The following EYS variants were observed in gnomAD, a reference collection of about 807,000 sequenced individuals.
EYS encodes protein eyes shut homolog.
EYS carries 250 observed loss-of-function variants against 282.1 expected under a neutral mutation model. The observed-to-expected ratio is 0.89, with a 90% CI of 0.80 to 0.98. The LOEUF (loss-of-function observed/expected upper bound fraction) is 0.98, where lower values mean the gene tolerates loss of function less well. Ranked by LOEUF, EYS falls within the 50% of genes least tolerant of loss-of-function variation. The probability of loss-of-function intolerance (pLI) is 0.00; values close to 1 mark genes in which losing one functional copy is unlikely to be tolerated. For missense variants in EYS, 4,016 were observed against 3,709.0 expected (o/e 1.08, Z -2.15); for synonymous variants, 1,355 against 1,282.9 (o/e 1.06, Z -1.20).
At chr6:63,724,510 CTA>C (rs920034314) in intron 42 of EYS, among the ~76,000 whole-genome samples, 2 of 152,050 alleles carry the variant, frequency 1.3e-5, no homozygotes, top group South Asian at 4.1e-4. Context: ...AGGATTATAA[CTA>C]TATCAGATGA....
In EYS at chr6:65,006,671, C is replaced by T. The variant is rs569432832; in HGVS notation, c.2138-8968G>A. On this transcript the variant is annotated intron_variant, in intron 13 of 42. Transcript: ENST00000503581. ...AAATCTTAATTACCATACAAAGGTCCGACCAGAGCTAGGAGGAACTCCCTT... is the reference window on the plus strand; with the variant it reads ...AAATCTTAATTACCATACAAAGGTCTGACCAGAGCTAGGAGGAACTCCCTT... Among the ~76,000 whole-genome samples, 59 of 152,218 alleles carry T rather than the reference C, an allele frequency of 3.9e-4. No homozygotes were observed. The Middle Eastern group carries it at 0.01, about 26-fold the overall frequency.
intron 1 of EYS, among the ~76,000 whole-genome samples, chr6:65,688,288 A>C (rs981090039): frequency 3.0e-4 from 45 of 152,192 alleles, no homozygotes; most frequent in African/African-American, 1.1e-3. Context: ...GCATATCTAC[A>C]ACCATCTGAT....
rs371472125 is a variant in EYS at position 64,639,658 on chromosome 6, A to C, written c.3444-13413T>G. On this transcript the variant is annotated intron_variant, in intron 22 of 42. Coordinates refer to ENST00000503581, the MANE Select transcript of EYS (RefSeq NM_001142800.2). Reference sequence around the variant, plus strand: ...ACCATTCAGGACATAGGCATGGGCAAGGACTTCATGTCTAAAACACCAAAA... The same window carrying C: ...ACCATTCAGGACATAGGCATGGGCACGGACTTCATGTCTAAAACACCAAAA... Among the ~76,000 whole-genome samples the C allele has an allele frequency of 2.4e-4, 22 of 91,112 alleles. 3 individuals are homozygous for C. The East Asian group carries it at 5.2e-3, about 21-fold the overall frequency. 59.8% of individuals were successfully genotyped at this position (91,112 alleles called of 152,430 possible). A position where few individuals can be genotyped will look rare whatever the true frequency, so the allele number is the denominator to read the frequency against.
intron 19 of EYS, among the ~76,000 whole-genome samples, chr6:64,835,058 A>G (rs553674953): frequency 1.3e-5 from 2 of 151,878 alleles, no homozygotes; most frequent in African/African-American, 4.8e-5. Context: ...TGTACTAGTA[A>G]ATGTTTAACT....
In EYS at chr6:64,846,006, C is replaced by T. The variant is rs540576470; in HGVS notation, c.2993-23184G>A. 7.2e-5 allele frequency among the ~76,000 whole-genome samples: 11 copies of T among 151,950 alleles called. No individual in the cohort carries two copies. In the South Asian group the frequency reaches 2.3e-3, roughly 31 times the overall value. ...TAAGAAACTCTTCTTTTGTTTTCTTCAACTTAACATATGTTTCCAAATTTT... is the reference window on the plus strand; with the variant it reads ...TAAGAAACTCTTCTTTTGTTTTCTTTAACTTAACATATGTTTCCAAATTTT... On this transcript the variant is annotated intron_variant, in intron 19 of 42. Transcript: ENST00000503581.
chr6:63,943,204 T>G (rs1262973446), intron 35 of EYS, among the ~76,000 whole-genome samples: 2 of 152,194 alleles, frequency 1.3e-5, no homozygotes, highest in East Asian at 3.8e-4. Context: ...ATTTATTATT[T>G]GAACCATACA....
intron 26 of EYS, among the ~76,000 whole-genome samples, chr6:64,488,605 T>A (rs879494831): frequency 6.6e-6 from 1 of 150,980 alleles, no homozygotes; most frequent in African/African-American, 2.4e-5. Context: ...AAAATTCTCA[T>A]GTATAAATAA....
Position 65,405,388 on chromosome 6 carries a change from G to GAAA in EYS, c.863-24_863-22dup, listed in dbSNP as rs34154043. 0.22 allele frequency: 328,458 copies of GAAA among 1,465,574 alleles called. 19,769 individuals are homozygous for GAAA. The highest frequency in any genetic ancestry group is 0.24 in the Non-Finnish European group (258,234 of 1,071,460). 90.8% of individuals were successfully genotyped at this position (1,465,574 alleles called of 1,614,324 possible). A position where few individuals can be genotyped will look rare whatever the true frequency, so the allele number is the denominator to read the frequency against. On this transcript the variant is annotated intron_variant, in intron 5 of 42. Transcript: ENST00000503581. ...TGGACCTTAAAAAAATCACACACAAGAAAAAAAAAGAAAAGGAAGGAAGGA... is the reference window on the plus strand; with the variant it reads ...TGGACCTTAAAAAAATCACACACAAGAAAAAAAAAAAAGAAAAGGAAGGAAGGA...
At chr6:63,937,481 C>T (rs572773303) in intron 35 of EYS, among the ~76,000 whole-genome samples, 2 of 147,648 alleles carry the variant, frequency 1.4e-5, no homozygotes, top group African/African-American at 5.0e-5. Context: ...CCCGGGTTCA[C>T]GCCATTCTCC....
intron 28 of EYS, among the ~76,000 whole-genome samples, chr6:64,391,895 G>A (rs1226490980): frequency 6.6e-6 from 1 of 152,076 alleles, no homozygotes; most frequent in Non-Finnish European, 1.5e-5. Context: ...CATGTGCAGA[G>A]ACACACATAG....
At position 65,354,288 on chromosome 6, in the gene EYS, C is replaced by T. The variant is rs992442993; in HGVS notation, c.1300-671G>A. 3.3e-5 allele frequency among the ~76,000 whole-genome samples: 5 copies of T among 152,048 alleles called. No individual in the cohort carries two copies. In the East Asian group the frequency reaches 9.7e-4, roughly 30 times the overall value. On this transcript the variant is annotated intron_variant, in intron 8 of 42. Coordinates refer to ENST00000503581, the MANE Select transcript of EYS (RefSeq NM_001142800.2). ...GCTATGTATTCTCTTTAGAGCATAC[C>T]CCTCAATTATTTCTACTTCTCCACG... is the stretch of plus-strand genomic sequence containing the variant.
In EYS at chr6:65,106,816, T is replaced by C. The variant is rs115010806; in HGVS notation, c.2024-49089A>G. On this transcript the variant is annotated intron_variant, in intron 12 of 42. Transcript: ENST00000503581. The stretch of plus-strand genomic sequence containing the variant: ...AATGCATTTTTGTAGATACTATATA[T>C]ATTCTAACAATGTAAATATATATGT... 1.9e-3 allele frequency among the ~76,000 whole-genome samples: 289 copies of C among 152,244 alleles called. 2 individuals are homozygous for C. The highest frequency in any genetic ancestry group is 6.6e-3 in the African/African-American group (276 of 41,554).
chr6:65,011,207 C>T (rs1475362537), intron 13 of EYS, among the ~76,000 whole-genome samples: 2 of 152,196 alleles, frequency 1.3e-5, no homozygotes, highest in Non-Finnish European at 2.9e-5. Context: ...CCAAACCTTT[C>T]ACTTAGGCAT....
chr6:63,799,755 T>C (rs1410784128), intron 37 of EYS, among the ~76,000 whole-genome samples: 1 of 152,216 alleles, frequency 6.6e-6, no homozygotes, highest in Non-Finnish European at 1.5e-5. Context: ...AGTATTTAAT[T>C]AGATACCAAA....
intron 35 of EYS, among the ~76,000 whole-genome samples, chr6:63,934,362 C>G: frequency 6.6e-6 from 1 of 151,974 alleles, no homozygotes. Context: ...GGATCTAGAA[C>G]TAGAAATACC....
intron 26 of EYS, among the ~76,000 whole-genome samples, chr6:64,563,176 T>C (rs375763015): frequency 3.3e-5 from 5 of 152,038 alleles, no homozygotes; most frequent in African/African-American, 1.2e-4. Flanking sequence ...GAAAGGTCAA[T>C]GACCACCTAA....
chr6:65,270,557 A>T (rs1222610912), intron 12 of EYS, among the ~76,000 whole-genome samples: 1 of 152,060 alleles, frequency 6.6e-6, no homozygotes, highest in African/African-American at 2.4e-5. Flanking sequence ...TAGGCTGAGA[A>T]TTTTCTCAAT....
chr6:63,965,384 T>C (rs942477152), intron 35 of EYS, among the ~76,000 whole-genome samples: 1 of 152,204 alleles, frequency 6.6e-6, no homozygotes, highest in Non-Finnish European at 1.5e-5. Context: ...TTTCTCACAC[T>C]AATAGGTAAC....
intron 14 of EYS, among the ~76,000 whole-genome samples, chr6:64,989,410 T>TATATATATATATATATATATATGA (rs1770974359): frequency 8.1e-6 from 1 of 123,098 alleles, no homozygotes; most frequent in Non-Finnish European, 1.7e-5. Flanking sequence ...TATATATATA[T>TATATATATATATATATATATATGA]ATATATGAAT....
Sources: gnomAD v4.1 joint callset for allele counts (sites outside exome capture counted in the v4.1 genomes callset) on GRCh38, gnomAD v4.1.1 for gene constraint, MANE v1.5 for transcripts, NCBI Gene and HGNC (gene_info 2026-07-23, HGNC 2026-07-21) for gene names.